The following INSC variants were observed in gnomAD, a reference collection of about 807,000 sequenced individuals.
INSC encodes INSC spindle orientation adaptor protein, also known as protein inscuteable homolog.
Under a neutral mutation model 58.6 loss-of-function variants are expected in INSC, and 67 were observed. The ratio of observed to expected loss-of-function variants is 1.14; its 90% confidence interval spans 0.94 to 1.40. INSC has a LOEUF of 1.40. INSC is among the 40% of genes most tolerant of loss of function. The probability of loss-of-function intolerance (pLI) is 0.00; values close to 1 mark genes in which losing one functional copy is unlikely to be tolerated. For synonymous variants in INSC, 262 were observed against 276.1 expected (o/e 0.95, Z 0.51); for missense variants, 714 against 692.0 (o/e 1.03, Z -0.36).
At chr11:15,204,844 C>T (rs562222832) in intron 7 of INSC, among the ~76,000 whole-genome samples, 10 of 152,302 alleles carry the variant, frequency 6.6e-5, no homozygotes, top group Non-Finnish European at 1.0e-4. Flanking sequence ...TGGTGAAATT[C>T]GTCTCTGTTG....
intron 10 of INSC, among the ~76,000 whole-genome samples, chr11:15,236,458 T>G (rs1051264929): frequency 6.6e-5 from 10 of 152,050 alleles, no homozygotes; most frequent in African/African-American, 2.4e-4. Flanking sequence ...GAGGAAGGGG[T>G]GAGAATGGGA....
chr11:15,263,665 T>C, the INSC span, among the ~76,000 whole-genome samples: 2 of 152,148 alleles, frequency 1.3e-5, no homozygotes, highest in African/African-American at 4.8e-5. Flanking sequence ...CTTACAGTTC[T>C]GTAGGTAGGA....
At chr11:15,230,524 C>T (rs1851887117) in intron 9 of INSC, among the ~76,000 whole-genome samples, 1 of 152,156 alleles carries the variant, frequency 6.6e-6, no homozygotes, top group Non-Finnish European at 1.5e-5. Flanking sequence ...CCACCAGGCT[C>T]CACCTCTAAC....
intron 1 of INSC, among the ~76,000 whole-genome samples, chr11:15,119,257 G>C (rs1457059083): frequency 6.6e-6 from 1 of 152,208 alleles, no homozygotes; most frequent in Non-Finnish European, 1.5e-5. Context: ...GGTGGGAAAG[G>C]CCTCCTGGGT....
chr11:15,225,140 G>T (rs569974255), intron 8 of INSC, among the ~76,000 whole-genome samples: 3 of 152,088 alleles, frequency 2.0e-5, no homozygotes, highest in Admixed American at 6.6e-5. Context: ...TTTTATGACT[G>T]GCCCCTTTCT....
At chr11:15,261,325 G>A in the INSC span, among the ~76,000 whole-genome samples, 19 of 152,100 alleles carry the variant, frequency 1.2e-4, no homozygotes, top group East Asian at 1.5e-3. Flanking sequence ...GTTATATTTT[G>A]GCCTTTGCTA....
intron 10 of INSC, among the ~76,000 whole-genome samples, chr11:15,238,455 T>C (rs185741493): frequency 1.3e-5 from 2 of 152,298 alleles, no homozygotes; most frequent in Admixed American, 6.5e-5. Context: ...TCTGAGTTTC[T>C]TTCGTTTTCT....
chr11:15,114,718 C>G (rs4418791), upstream of INSC, among the ~76,000 whole-genome samples: 8 of 152,106 alleles, frequency 5.3e-5, no homozygotes, highest in East Asian at 1.4e-3. Flanking sequence ...TTTCCCCCCC[C>G]AGGGGCACCG....
Position 15,207,416 on chromosome 11 carries a change from C to T in INSC, c.819+6467C>T, listed in dbSNP as rs530473238. Among the ~76,000 whole-genome samples the T allele has an allele frequency of 5.8e-4, 88 of 152,186 alleles. 1 individual carries two copies. Among genetic ancestry groups the T allele is most frequent in the South Asian group, 2.9e-3 (14 of 4,820 alleles). ...AAAGATGAGGGGAGAGCGGGGAGGA[C>T]GGCTCAATTTCAAGTCCAAGAAGAA... On this transcript the variant is annotated intron_variant, in intron 7 of 12. Coordinates refer to ENST00000379556, the MANE Select transcript of INSC (RefSeq NM_001042536.3).
chr11:15,232,987 A>AT (rs1279402131), intron 9 of INSC, among the ~76,000 whole-genome samples: 2 of 152,232 alleles, frequency 1.3e-5, no homozygotes, highest in African/African-American at 4.8e-5. Flanking sequence ...AAATTGTGTC[A>AT]TTTTAAGCCA....
At chr11:15,158,860 G>GTTT (rs529518368) in intron 2 of INSC, among the ~76,000 whole-genome samples, 4,877 of 109,352 alleles carry the variant, frequency 0.045, 363 homozygotes, top group African/African-American at 0.11. Flanking sequence ...ATTGTTGGTG[G>GTTT]TTTTTTTTTT....
At chr11:15,181,614 G>A (rs1471052527) in intron 5 of INSC, among the ~76,000 whole-genome samples, 2 of 152,166 alleles carry the variant, frequency 1.3e-5, no homozygotes, top group African/African-American at 4.8e-5. Flanking sequence ...AAAAATTGAA[G>A]TGATTGTATT....
chr11:15,220,425 C>T (rs1052019019), intron 7 of INSC, among the ~76,000 whole-genome samples: 4 of 152,182 alleles, frequency 2.6e-5, no homozygotes, highest in Non-Finnish European at 5.9e-5. Flanking sequence ...CTCCTGCCCT[C>T]TTTTTCTCCA....
intron 1 of INSC, among the ~76,000 whole-genome samples, chr11:15,119,991 C>T (rs1009266982): frequency 2.0e-5 from 3 of 152,316 alleles, no homozygotes; most frequent in Admixed American, 2.0e-4. Flanking sequence ...TGAAAGAACA[C>T]CGGCCTAATT....
chr11:15,112,382 TG>T, upstream of INSC: 1 of 1,155,836 alleles, frequency 8.7e-7, no homozygotes, highest in Non-Finnish European at 1.2e-6. Context: ...CTCAGGGCCA[TG>T]GCCCAGAAGG....
chr11:15,250,051 G>A (rs532771349), downstream of INSC, among the ~76,000 whole-genome samples: 2 of 152,338 alleles, frequency 1.3e-5, no homozygotes, highest in South Asian at 4.1e-4. Context: ...ACAGGATTAA[G>A]GCTGGGACTG....
At chr11:15,112,649 G>GA (rs554895352), upstream of INSC, 28 of 545,938 alleles carry the variant, frequency 5.1e-5, 1 homozygote, top group East Asian at 1.3e-3. Flanking sequence ...TTGGGAAGTG[G>GA]GGGGGGGGCA....
At chr11:15,159,066 C>G (rs1361363771) in intron 2 of INSC, among the ~76,000 whole-genome samples, 1 of 152,138 alleles carries the variant, frequency 6.6e-6, no homozygotes, top group Non-Finnish European at 1.5e-5. Context: ...CTTCTCCTGG[C>G]CTCTTGCACC....
chr11:15,268,780 G>A, the INSC span, among the ~76,000 whole-genome samples: 1 of 152,024 alleles, frequency 6.6e-6, no homozygotes, highest in Non-Finnish European at 1.5e-5. Flanking sequence ...CTCAGTCACA[G>A]CATTTTTAGA....
Sources: gnomAD v4.1 joint callset for allele counts (sites outside exome capture counted in the v4.1 genomes callset) on GRCh38, gnomAD v4.1.1 for gene constraint, MANE v1.5 for transcripts, NCBI Gene and HGNC (gene_info 2026-07-23, HGNC 2026-07-21) for gene names.